MGRN1: variants seen among roughly 807,000 people sequenced by gnomAD.
The protein encoded by MGRN1 is mahogunin ring finger 1, also known as E3 ubiquitin-protein ligase MGRN1.
MGRN1 carries 29 observed loss-of-function variants against 69.2 expected under a neutral mutation model. The ratio of observed to expected loss-of-function variants is 0.42; its 90% CI spans 0.31 to 0.57. The LOEUF (loss-of-function observed/expected upper bound fraction) is 0.57. Ranked by LOEUF, MGRN1 falls within the 20% of genes least tolerant of loss-of-function variation. MGRN1 has a pLI of 0.15. For synonymous variants in MGRN1, 470 were observed against 344.2 expected (o/e 1.37, Z -4.04); for missense variants, 998 against 796.2 (o/e 1.25, Z -3.05).
chr16:4,631,419 G>A (rs1897994643), intron 1 of MGRN1, among the ~76,000 whole-genome samples: 1 of 152,226 alleles, frequency 6.6e-6, no homozygotes, highest in African/African-American at 2.4e-5. Flanking sequence ...GTGTGTCCCA[G>A]AAGTTCTCAA....
chr16:4,669,053 C>A (rs1445218628), intron 8 of MGRN1: 2 of 152,140 alleles, frequency 1.3e-5, no homozygotes, highest in Non-Finnish European at 2.9e-5. Context: ...TATACTCACA[C>A]ACACTTATAT....
intron 11 of MGRN1, among the ~76,000 whole-genome samples, chr16:4,677,788 A>G (rs946107993): frequency 2.2e-5 from 3 of 136,930 alleles, no homozygotes; most frequent in Admixed American, 1.6e-4. Context: ...TCAGTACCAG[A>G]GCCTGCGACA....
At chr16:4,683,798 C>T (rs926593626) in intron 15 of MGRN1, 45 bp from the exon 16 acceptor site, 1 of 1,573,222 alleles carries the variant, frequency 6.4e-7, no homozygotes, top group South Asian at 1.1e-5. Flanking sequence ...CCTGCCGGGA[C>T]CTGGCCCCTG....
At chr16:4,668,974 TCA>T (rs1238583708) in intron 8 of MGRN1, 1 of 150,106 alleles carries the variant, frequency 6.7e-6, no homozygotes, top group Non-Finnish European at 1.5e-5. Flanking sequence ...ATACAATCAC[TCA>T]CGCACATATA....
intron 12 of MGRN1, chr16:4,681,238 C>T: frequency 2.5e-6 from 1 of 404,492 alleles, no homozygotes; most frequent in Non-Finnish European, 4.5e-6. Flanking sequence ...CTTCACTCTC[C>T]ACCTGGGGCC....
At chr16:4,641,082 C>A in intron 1 of MGRN1, among the ~76,000 whole-genome samples, 1 of 152,248 alleles carries the variant, frequency 6.6e-6, no homozygotes, top group East Asian at 1.9e-4. Context: ...ACTTCCCACT[C>A]ACAGTCTCCT....
intron 1 of MGRN1, among the ~76,000 whole-genome samples, chr16:4,631,147 T>A (rs1897982371): frequency 6.6e-6 from 1 of 152,258 alleles, no homozygotes; most frequent in Non-Finnish European, 1.5e-5. Context: ...ACTTATGGCT[T>A]GAGATAAAGA....
chr16:4,671,295 C>T, intron 8 of MGRN1, 96 bp from the exon 9 acceptor site: 3 of 1,194,374 alleles, frequency 2.5e-6, no homozygotes, highest in Middle Eastern at 2.1e-4. Context: ...GGTATGGAAG[C>T]CTGGTAAGTT....
rs376204675 is a variant in MGRN1 at position 4,683,902 on chromosome 16, C to T, written c.1588C>T (p.Arg530Ter). The change falls in exon 16 of 17, where the codon CGA becomes TGA. Residue 530 changes from arginine to a stop codon, truncating the protein, a stop_gained. Coordinates refer to ENST00000262370, the MANE Select transcript of MGRN1 (RefSeq NM_015246.4). LOFTEE classifies it high-confidence loss of function. ...GGACAGCAGCCCCGAGCACTGTGGC[C>T]GAGGCCCACCTGCTGACATCTACCT... is the stretch of plus-strand genomic sequence containing the variant. Reference protein sequence around the residue: ...LQDSSPEHCGRGPPADIYLPG... With the variant: ...LQDSSPEHCG The T allele has an allele frequency of 3.7e-6, 6 of 1,611,056 alleles. No individual in the cohort carries two copies. The highest frequency in any genetic ancestry group is 1.3e-5 in the African/African-American group (1 of 74,756).
At chr16:4,638,412 C>A (rs1428825630) in intron 1 of MGRN1, among the ~76,000 whole-genome samples, 1 of 152,030 alleles carries the variant, frequency 6.6e-6, no homozygotes, top group Non-Finnish European at 1.5e-5. Flanking sequence ...TTGCAGTGAG[C>A]CGTGATCGTA....
At chr16:4,647,808 CAG>C (rs1267111506) in intron 1 of MGRN1, among the ~76,000 whole-genome samples, 8 of 152,180 alleles carry the variant, frequency 5.3e-5, no homozygotes, top group Non-Finnish European at 1.0e-4. Context: ...CATCAGCTCT[CAG>C]TGGTCCCTGT....
intron 1 of MGRN1, among the ~76,000 whole-genome samples, chr16:4,629,191 T>TGTGTGTGTGTGA: frequency 6.7e-6 from 1 of 149,030 alleles, no homozygotes; most frequent in African/African-American, 2.5e-5. Flanking sequence ...TGTGTGTGTG[T>TGTGTGTGTGTGA]GAAAAGTGTC....
chr16:4,689,014 G>C lies in MGRN1; in HGVS notation c.*106G>C. The C allele has an allele frequency of 7.1e-7, 1 of 1,402,576 alleles. No homozygotes were observed. The highest frequency in any genetic ancestry group is 2.6e-4 in the Middle Eastern group (1 of 3,888). 86.9% of individuals were successfully genotyped at this position (1,402,576 alleles called of 1,614,324 possible). On this transcript the variant is annotated 3_prime_UTR_variant, in exon 17 of 17. Transcript: ENST00000262370. The stretch of plus-strand genomic sequence containing the variant: ...GGCCTCCTGTCTGCATGCCCCCTGT[G>C]GCCACCAGGCTCCGAGGGGCCGTGG...
intron 10 of MGRN1, among the ~76,000 whole-genome samples, chr16:4,674,578 C>CTTT (rs113342903): frequency 8.4e-6 from 1 of 119,020 alleles, no homozygotes; most frequent in African/African-American, 3.3e-5. Context: ...TGAGCCACCG[C>CTTT]TTTTTTTTTT....
In MGRN1 at chr16:4,673,668, C is replaced by A. The variant is rs769481960; in HGVS notation, c.955+11C>A. 6.2e-7 allele frequency: 1 copy of A among 1,611,706 alleles called. No homozygotes were observed. The highest frequency in any genetic ancestry group is 1.7e-5 in the Admixed American group (1 of 59,982). ...CCATCTGCCGGCTGCGTGAGTTCCC[C>A]GGCCGGCTGTTCTGTGGAAGGTTCT... On this transcript the variant is annotated intron_variant, in intron 10 of 16. Transcript: ENST00000262370.
chr16:4,649,646 A>C (rs762481671), intron 1 of MGRN1: 3 of 152,300 alleles, frequency 2.0e-5, no homozygotes, highest in Non-Finnish European at 4.4e-5. Context: ...ACTTGATTAC[A>C]TCTGCAAAGA....
intron 1 of MGRN1, among the ~76,000 whole-genome samples, chr16:4,627,954 C>T (rs1897772463): frequency 6.7e-6 from 1 of 148,618 alleles, no homozygotes; most frequent in African/African-American, 2.5e-5. Context: ...GTGGCGGGCA[C>T]CTGTAGTCCC....
chr16:4,665,207 G>T, intron 7 of MGRN1, 56 bp downstream of exon 7: 6 of 1,596,650 alleles, frequency 3.8e-6, no homozygotes, highest in Middle Eastern at 3.3e-4. Context: ...GCAGGGGGTG[G>T]CCTTTTGAGA....
chr16:4,651,920 G>A, intron 2 of MGRN1, 43 bp from the exon 3 acceptor site: 1 of 1,577,382 alleles, frequency 6.3e-7, no homozygotes, highest in Non-Finnish European at 8.7e-7. Flanking sequence ...GTTGTTGGCT[G>A]CTCCTGAGGG....
Sources: allele counts gnomAD v4.1 joint callset (sites outside exome capture counted in the v4.1 genomes callset), GRCh38; gene constraint gnomAD v4.1.1; transcripts MANE v1.5; gene names NCBI Gene and HGNC (gene_info 2026-07-23, HGNC 2026-07-21).